The following GABRB3 variants were observed in gnomAD, a reference collection of about 807,000 sequenced individuals.
GABRB3 encodes gamma-aminobutyric acid type A receptor subunit beta3.
GABRB3 carries 14 observed loss-of-function variants against 52.1 expected under a neutral mutation model. The ratio of observed to expected loss-of-function variants is 0.27; its 90% CI spans 0.18 to 0.42. GABRB3 has a LOEUF of 0.42. GABRB3 is among the 10% of genes least tolerant of loss of function. GABRB3 has a pLI of 1.00. For missense variants in GABRB3, 307 were observed against 609.1 expected (o/e 0.50, Z 5.22); for synonymous variants, 260 against 232.3 (o/e 1.12, Z -1.08).
intron 3 of GABRB3, among the ~76,000 whole-genome samples, chr15:26,649,525 T>A (rs985057362): frequency 1.3e-5 from 2 of 152,158 alleles, no homozygotes; most frequent in African/African-American, 4.8e-5. Context: ...AGGAATGGAC[T>A]AAGACAGGCA....
chr15:26,575,667 A>T (rs941686374), intron 6 of GABRB3, among the ~76,000 whole-genome samples: 10 of 152,162 alleles, frequency 6.6e-5, no homozygotes, highest in Non-Finnish European at 1.0e-4. Flanking sequence ...GTGGACTTTT[A>T]AAAAAATTTA....
chr15:26,737,636 T>C (rs528541645), intron 3 of GABRB3, among the ~76,000 whole-genome samples: 85 of 152,146 alleles, frequency 5.6e-4, no homozygotes, highest in South Asian at 3.7e-3. Flanking sequence ...TGTGTGTGTG[T>C]GCGTGTGTAC....
At chr15:26,658,409 T>C (rs536028342) in intron 3 of GABRB3, 1 of 152,370 alleles carries the variant, frequency 6.6e-6, no homozygotes, top group African/African-American at 2.4e-5. Context: ...ATCAGCTCTA[T>C]CTAGGCAGCA....
chr15:26,707,319 A>G (rs1889135123), intron 3 of GABRB3, among the ~76,000 whole-genome samples: 2 of 152,198 alleles, frequency 1.3e-5, no homozygotes, highest in Admixed American at 1.3e-4. Flanking sequence ...CAGGGGATGG[A>G]GAGCAAGACC....
At position 26,615,449 on chromosome 15, in the gene GABRB3, C is replaced by T. The variant is rs180971220; in HGVS notation, c.461+5865G>A. ...GGTAAGAAGAGCAAGCTAGTGTTAC[C>T]CCAAGTTTCAAGCTCAAGGGGCTAC... On this transcript the variant is annotated intron_variant, in intron 4 of 8. Coordinates refer to ENST00000311550, the MANE Select transcript of GABRB3 (RefSeq NM_000814.6). 3.0e-5 allele frequency: 30 copies of T among 986,666 alleles called. 1 individual carries two copies. In the East Asian group the frequency reaches 2.0e-3, roughly 67 times the overall value. 61.1% of individuals were successfully genotyped at this position (986,666 alleles called of 1,614,324 possible). A position where few individuals can be genotyped will look rare whatever the true frequency, so the allele number is the denominator to read the frequency against.
At chr15:26,742,172 C>A (rs763108301) in intron 3 of GABRB3, among the ~76,000 whole-genome samples, 2 of 152,104 alleles carry the variant, frequency 1.3e-5, no homozygotes, top group Non-Finnish European at 2.9e-5. Context: ...ATCATTGATA[C>A]TGACTGCCTC....
At chr15:26,749,662 T>C (rs1204785865) in intron 3 of GABRB3, among the ~76,000 whole-genome samples, 1 of 152,202 alleles carries the variant, frequency 6.6e-6, no homozygotes, top group African/African-American at 2.4e-5. Context: ...ATGCAGCTTT[T>C]GGATGGTGTT....
At chr15:26,557,306 A>G (rs1707940815) in intron 8 of GABRB3, among the ~76,000 whole-genome samples, 1 of 152,206 alleles carries the variant, frequency 6.6e-6, no homozygotes, top group South Asian at 2.1e-4. Context: ...AAGAGGATCA[A>G]AAAACTACCT....
intron 3 of GABRB3, among the ~76,000 whole-genome samples, chr15:26,676,323 G>A (rs1349787321): frequency 6.6e-6 from 1 of 152,172 alleles, no homozygotes; most frequent in Non-Finnish European, 1.5e-5. Flanking sequence ...CTGTGGTCCT[G>A]CCAAGTCCCT....
At chr15:26,580,722 T>A in intron 5 of GABRB3, 1 of 529,172 alleles carries the variant, frequency 1.9e-6, no homozygotes, top group Non-Finnish European at 3.4e-6. Flanking sequence ...ATTTGCGAAG[T>A]GTAACTTCAG....
intron 3 of GABRB3, among the ~76,000 whole-genome samples, chr15:26,663,733 G>C (rs1887619910): frequency 6.6e-6 from 1 of 152,114 alleles, no homozygotes; most frequent in East Asian, 1.9e-4. Flanking sequence ...GCCTTGAGAG[G>C]TCAAGGCTAA....
intron 3 of GABRB3, among the ~76,000 whole-genome samples, chr15:26,684,318 G>C (rs907934078): frequency 2.0e-5 from 3 of 152,162 alleles, no homozygotes; most frequent in African/African-American, 7.2e-5. Context: ...TGGAGGTCTG[G>C]TGGCCACAGG....
rs1481574730 is a variant in GABRB3, at chr15:26,546,341, T to C, written c.*1452A>G. 6.6e-6 allele frequency: 1 copy of C among 152,526 alleles called. No individual in the cohort carries two copies. The highest frequency in any genetic ancestry group is 1.5e-5 in the Non-Finnish European group (1 of 68,012). 9.4% of individuals were successfully genotyped at this position (152,526 alleles called of 1,614,324 possible). ...CTTTAGAAAGATCTCATCTAAATAG[T>C]AAGTTAAGGTTGCGTCTATGAAACC... is the stretch of plus-strand genomic sequence containing the variant. On this transcript the variant is annotated 3_prime_UTR_variant, in exon 9 of 9. Coordinates refer to ENST00000311550, the MANE Select transcript of GABRB3 (RefSeq NM_000814.6).
intron 3 of GABRB3, among the ~76,000 whole-genome samples, chr15:26,694,478 AAAGACAAAAGAG>A (rs1438679256): frequency 6.6e-6 from 1 of 152,228 alleles, no homozygotes; most frequent in African/African-American, 2.4e-5. Context: ...AGAGAAGCCC[AAAGACAAAAGAG>A]AAGACAAAAA....
At chr15:26,703,702 G>A (rs545739408) in intron 3 of GABRB3, among the ~76,000 whole-genome samples, 7 of 152,342 alleles carry the variant, frequency 4.6e-5, no homozygotes, top group African/African-American at 1.7e-4. Context: ...GCCAGGCATA[G>A]GATAGTGCCA....
At chr15:26,551,603 T>C (rs986298164) in intron 8 of GABRB3, among the ~76,000 whole-genome samples, 4 of 152,124 alleles carry the variant, frequency 2.6e-5, no homozygotes, top group Non-Finnish European at 4.4e-5. Flanking sequence ...TGTGAGCTCC[T>C]AGCAGGAGCG....
Position 26,549,856 on chromosome 15 carries a change from GGAAA to G in GABRB3, c.1081-1726_1081-1723del, listed in dbSNP as rs149111378. On this transcript the variant is annotated intron_variant, in intron 8 of 8. Coordinates refer to ENST00000311550, the MANE Select transcript of GABRB3 (RefSeq NM_000814.6). ...AAACCTGCCCCAAACCCCAGTTCCA[GGAAA>G]GAGATTTGAGCATTTCCTCCTATCT... Among the ~76,000 whole-genome samples the G allele has an allele frequency of 8.6e-3, 1,315 of 152,186 alleles. 24 individuals carry two copies. Among genetic ancestry groups the G allele is most frequent in the African/African-American group, 0.026 (1,059 of 41,514 alleles).
chr15:26,773,617 G>C, upstream of GABRB3: 1 of 1,538,440 alleles, frequency 6.5e-7, no homozygotes, highest in Non-Finnish European at 8.8e-7. Flanking sequence ...GACGGTGCCT[G>C]CAGAACGCCG....
chr15:26,634,173 G>A (rs984292555), intron 3 of GABRB3, among the ~76,000 whole-genome samples: 5 of 152,044 alleles, frequency 3.3e-5, no homozygotes, highest in Admixed American at 6.6e-5. Context: ...CTGGGTCTTC[G>A]TTCTTCCACT....
Sources: allele counts gnomAD v4.1 joint callset (sites outside exome capture counted in the v4.1 genomes callset), GRCh38; gene constraint gnomAD v4.1.1; transcripts MANE v1.5; gene names NCBI Gene and HGNC (gene_info 2026-07-23, HGNC 2026-07-21).